REC114: variants seen among roughly 807,000 people sequenced by gnomAD.
REC114 encodes the protein meiotic recombination protein REC114.
In REC114, 27 loss-of-function variants were observed where a neutral mutation model predicts 31.3. The ratio of observed to expected loss-of-function variants is 0.86; its 90% CI spans 0.64 to 1.19. REC114 has a LOEUF of 1.19. REC114 is among the 50% of genes most tolerant of loss of function. REC114 has a pLI of 0.00. For synonymous variants in REC114, 134 were observed against 127.7 expected (o/e 1.05, Z -0.33); for missense variants, 344 against 326.9 (o/e 1.05, Z -0.40).
At chr15:73,493,586 C>T (rs1392983023) in intron 2 of REC114, among the ~76,000 whole-genome samples, 1 of 152,128 alleles carries the variant, frequency 6.6e-6, no homozygotes, top group South Asian at 2.1e-4. Context: ...GTGGATTCAT[C>T]TGCAATAACC....
intron 5 of REC114, 75 bp downstream of exon 5, chr15:73,556,466 AATT>A (rs1452021729): frequency 3.9e-6 from 5 of 1,298,402 alleles, no homozygotes; most frequent in South Asian, 1.3e-5. Context: ...CCCTTTGTTC[AATT>A]CTTTGTTTTA....
intron 3 of REC114, among the ~76,000 whole-genome samples, chr15:73,541,876 A>T (rs1475731491): frequency 1.3e-5 from 2 of 152,244 alleles, no homozygotes; most frequent in Non-Finnish European, 1.5e-5. Context: ...AAAGAGCAAA[A>T]TAAAAATCAA....
At chr15:73,475,079 A>G (rs757665526) in intron 2 of REC114, among the ~76,000 whole-genome samples, 8 of 152,188 alleles carry the variant, frequency 5.3e-5, no homozygotes, top group Admixed American at 5.2e-4. Flanking sequence ...GTGCACAGTT[A>G]GTTCTCCCTG....
intron 2 of REC114, among the ~76,000 whole-genome samples, chr15:73,522,248 TA>T (rs2141320502): frequency 1.3e-5 from 2 of 152,334 alleles, no homozygotes; most frequent in South Asian, 4.1e-4. Context: ...ACATGTATCA[TA>T]CTACCTGCTT....
intron 2 of REC114, among the ~76,000 whole-genome samples, chr15:73,499,252 A>G (rs1167182655): frequency 6.6e-6 from 1 of 151,976 alleles, no homozygotes; most frequent in Admixed American, 6.5e-5. Flanking sequence ...TTTTGCACCA[A>G]TCTCATAATT....
At chr15:73,508,045 C>T (rs1044515234) in intron 2 of REC114, among the ~76,000 whole-genome samples, 2 of 152,124 alleles carry the variant, frequency 1.3e-5, no homozygotes, top group Non-Finnish European at 2.9e-5. Flanking sequence ...TGTTGTGGCA[C>T]TTAATCATAA....
intron 2 of REC114, among the ~76,000 whole-genome samples, chr15:73,528,984 C>G (rs891964722): frequency 6.6e-6 from 1 of 151,954 alleles, no homozygotes; most frequent in Non-Finnish European, 1.5e-5. Flanking sequence ...TTCAAAACAC[C>G]ATGTTTAAAA....
intron 3 of REC114, among the ~76,000 whole-genome samples, chr15:73,548,418 T>A (rs114447624): frequency 0.011 from 1,645 of 152,300 alleles, 36 homozygotes; most frequent in African/African-American, 0.038. Context: ...GAATAGACAC[T>A]TTTTAAAAGT....
Position 73,540,519 on chromosome 15 carries a change from T to C in REC114, c.284T>C (p.Leu95Ser), listed in dbSNP as rs954898215. The change falls in exon 3 of 6, where the codon TTG (leucine) becomes TCG (serine). Residue 95 changes from leucine (L) to serine (S), a missense_variant. Physicochemically the swap from Leu to Ser is moderately radical, Grantham distance 145. Coordinates refer to ENST00000331090, the MANE Select transcript of REC114 (RefSeq NM_001042367.2). ...GFSLIGSKDW[L>S]KIVRRVDCLL... is the part of the protein sequence containing the mutation. ...TCACTCATTGGTAGCAAGGACTGGTTGAAGATTGTAAGACGCGTGGATTGT... is the reference window on the plus strand; with the variant it reads ...TCACTCATTGGTAGCAAGGACTGGTCGAAGATTGTAAGACGCGTGGATTGT... 1 of 1,614,006 alleles carries C rather than the reference T, an allele frequency of 6.2e-7. No individual in the cohort carries two copies. Among genetic ancestry groups the C allele is most frequent in the Admixed American group, 1.7e-5 (1 of 60,030 alleles).
intron 1 of REC114, among the ~76,000 whole-genome samples, chr15:73,459,188 T>G (rs1284121396): frequency 6.6e-6 from 1 of 152,148 alleles, no homozygotes; most frequent in Non-Finnish European, 1.5e-5. Context: ...CAATTTTTAT[T>G]TTACATTTTA....
chr15:73,539,944 G>T (rs893929309), intron 2 of REC114, among the ~76,000 whole-genome samples: 1 of 152,096 alleles, frequency 6.6e-6, no homozygotes, highest in African/African-American at 2.4e-5. Flanking sequence ...AGACTTGTGT[G>T]CCCTCTACTG....
intron 3 of REC114, among the ~76,000 whole-genome samples, chr15:73,546,452 C>T (rs1264422708): frequency 6.6e-6 from 1 of 151,960 alleles, no homozygotes; most frequent in African/African-American, 2.4e-5. Flanking sequence ...TGGAAATAAC[C>T]TAAATGTTCA....
At chr15:73,540,087 T>C (rs1482965039) in intron 2 of REC114, among the ~76,000 whole-genome samples, 2 of 152,180 alleles carry the variant, frequency 1.3e-5, no homozygotes, top group South Asian at 2.1e-4. Flanking sequence ...ATTCTTACTA[T>C]GGAGTTAGAG....
At chr15:73,458,465 A>G (rs963263221) in intron 1 of REC114, among the ~76,000 whole-genome samples, 1 of 152,214 alleles carries the variant, frequency 6.6e-6, no homozygotes, top group Admixed American at 6.5e-5. Context: ...TTCATGTAGC[A>G]TGCTTTTTTT....
chr15:73,444,981 CAAG>C (rs747611001), intron 1 of REC114, among the ~76,000 whole-genome samples: 32 of 152,142 alleles, frequency 2.1e-4, no homozygotes, highest in Non-Finnish European at 4.0e-4. Flanking sequence ...AATATTTTGA[CAAG>C]AATCTTTTTT....
intron 2 of REC114, among the ~76,000 whole-genome samples, chr15:73,516,352 A>T (rs1893858041): frequency 6.6e-6 from 1 of 152,150 alleles, no homozygotes; most frequent in South Asian, 2.1e-4. Flanking sequence ...TGGGGGTTTT[A>T]GAAAGATACT....
intron 1 of REC114, among the ~76,000 whole-genome samples, chr15:73,461,160 C>A (rs1205898567): frequency 6.6e-6 from 1 of 151,564 alleles, no homozygotes; most frequent in South Asian, 2.1e-4. Flanking sequence ...TTTATTGTTA[C>A]AGTTAAAACT....
intron 2 of REC114, among the ~76,000 whole-genome samples, chr15:73,524,032 T>C (rs1274269235): frequency 6.6e-6 from 1 of 152,178 alleles, no homozygotes. Context: ...TCATAGAAAG[T>C]ATATTGTGAA....
intron 2 of REC114, among the ~76,000 whole-genome samples, chr15:73,481,257 A>C (rs2141297013): frequency 6.6e-6 from 1 of 152,136 alleles, no homozygotes; most frequent in Admixed American, 6.6e-5. Flanking sequence ...TCCTTTAACC[A>C]TCATAGGTCT....
Sources: allele counts gnomAD v4.1 joint callset (sites outside exome capture counted in the v4.1 genomes callset), GRCh38; gene constraint gnomAD v4.1.1; transcripts MANE v1.5; gene names NCBI Gene and HGNC (gene_info 2026-07-23, HGNC 2026-07-21).